The following GRM7 variants were observed in gnomAD, a reference collection of about 807,000 sequenced individuals.
GRM7 encodes glutamate metabotropic receptor 7, also known as metabotropic glutamate receptor 7.
GRM7 carries 35 observed loss-of-function variants against 84.5 expected under a neutral mutation model. That is an observed-to-expected ratio of 0.41 (90% CI 0.32 to 0.55). GRM7 has a LOEUF of 0.55. GRM7 is among the 20% of genes least tolerant of loss of function. GRM7 has a pLI of 0.19. For synonymous variants in GRM7, 487 were observed against 455.1 expected (o/e 1.07, Z -0.89); for missense variants, 1,003 against 1,194.6 (o/e 0.84, Z 2.36).
In GRM7 at chr3:6,924,844, T is replaced by G. The variant is rs561027298; in HGVS notation, c.519+62937T>G. On this transcript the variant is annotated intron_variant, in intron 1 of 9. Coordinates refer to ENST00000357716, the MANE Select transcript of GRM7 (RefSeq NM_000844.4). ...GCTGTGATATGGATGCCTCCATACCTGGATCATTGAGAGAGAGACAGGAAA... is the reference window on the plus strand; with the variant it reads ...GCTGTGATATGGATGCCTCCATACCGGGATCATTGAGAGAGAGACAGGAAA... Among the ~76,000 whole-genome samples the G allele has an allele frequency of 3.9e-5, 6 of 152,300 alleles. No homozygotes were observed. In the East Asian group the frequency reaches 1.2e-3, roughly 29 times the overall value.
At chr3:7,663,982 G>A (rs939460646) in intron 8 of GRM7, among the ~76,000 whole-genome samples, 1 of 152,210 alleles carries the variant, frequency 6.6e-6, no homozygotes, top group East Asian at 1.9e-4. Context: ...CACAGGACAA[G>A]AAAAGCTTGT....
chr3:7,370,283 T>C (rs1008013045), intron 4 of GRM7, among the ~76,000 whole-genome samples: 1 of 152,192 alleles, frequency 6.6e-6, no homozygotes, highest in African/African-American at 2.4e-5. Flanking sequence ...GTTGATGTGA[T>C]TCCTCCTTAG....
intron 1 of GRM7, among the ~76,000 whole-genome samples, chr3:6,934,841 G>A (rs1473402039): frequency 6.6e-6 from 1 of 152,148 alleles, no homozygotes; most frequent in Non-Finnish European, 1.5e-5. Flanking sequence ...CTCACATGAT[G>A]TTTACATTAT....
intron 2 of GRM7, among the ~76,000 whole-genome samples, chr3:7,195,188 A>G (rs1695839268): frequency 2.6e-5 from 4 of 152,180 alleles, no homozygotes; most frequent in Admixed American, 2.6e-4. Context: ...TCTTGCAGGC[A>G]TTGCATAGTG....
chr3:7,481,870 G>A (rs996526145), intron 7 of GRM7, among the ~76,000 whole-genome samples: 1 of 152,184 alleles, frequency 6.6e-6, no homozygotes, highest in Non-Finnish European at 1.5e-5. Flanking sequence ...GTACCTCAGA[G>A]GTCAAAGCAT....
chr3:7,365,424 C>T (rs1357353768), intron 4 of GRM7, among the ~76,000 whole-genome samples: 28 of 151,594 alleles, frequency 1.8e-4, no homozygotes, highest in Admixed American at 1.3e-3. Context: ...TTCTGTTTAC[C>T]ACTTTGTGCT....
At chr3:7,148,512 G>C (rs182937019) in intron 2 of GRM7, among the ~76,000 whole-genome samples, 2 of 152,228 alleles carry the variant, frequency 1.3e-5, no homozygotes, top group East Asian at 1.9e-4. Flanking sequence ...TGATTATTCT[G>C]TAAAGTGCAG....
chr3:7,382,476 A>G (rs1211164238), intron 4 of GRM7, among the ~76,000 whole-genome samples: 2 of 152,172 alleles, frequency 1.3e-5, no homozygotes, highest in Non-Finnish European at 2.9e-5. Flanking sequence ...AAACCATCAG[A>G]GTTTTATTAC....
chr3:7,574,210 A>G (rs1222660058), intron 7 of GRM7, among the ~76,000 whole-genome samples: 1 of 137,274 alleles, frequency 7.3e-6, no homozygotes, highest in African/African-American at 2.8e-5. Flanking sequence ...CCCAGGCTGG[A>G]GTGCAGAGGC....
At chr3:6,992,998 G>A (rs1346967406) in intron 1 of GRM7, among the ~76,000 whole-genome samples, 3 of 152,166 alleles carry the variant, frequency 2.0e-5, no homozygotes, top group South Asian at 4.1e-4. Flanking sequence ...AACCAAGACC[G>A]GATAATTTAT....
At chr3:7,051,085 C>A (rs565799878) in intron 1 of GRM7, among the ~76,000 whole-genome samples, 3 of 151,812 alleles carry the variant, frequency 2.0e-5, no homozygotes, top group Admixed American at 2.0e-4. Flanking sequence ...AACATATTTT[C>A]TTAGAGTTTG....
rs915902542 is a variant in GRM7, at chr3:7,740,965, A to G, written c.*559A>G. On this transcript the variant is annotated 3_prime_UTR_variant, in exon 10 of 10. Coordinates refer to ENST00000357716, the MANE Select transcript of GRM7 (RefSeq NM_000844.4). ...CAGACTAAAACAAGTACATCTGTAC[A>G]TGACTGTATAATTACGATTATAGTA... 2.0e-5 allele frequency: 3 copies of G among 152,598 alleles called. No homozygotes were observed. The highest frequency in any genetic ancestry group is 7.2e-5 in the African/African-American group (3 of 41,448). 9.5% of individuals were successfully genotyped at this position (152,598 alleles called of 1,614,324 possible). A position where few individuals can be genotyped will look rare whatever the true frequency, so the allele number is the denominator to read the frequency against.
intron 7 of GRM7, among the ~76,000 whole-genome samples, chr3:7,509,787 A>G (rs944579302): frequency 6.6e-6 from 1 of 150,458 alleles, no homozygotes; most frequent in East Asian, 2.0e-4. Flanking sequence ...AGCTGGGGAA[A>G]TTTTTTTTTT....
chr3:7,310,641 T>TA, intron 4 of GRM7, among the ~76,000 whole-genome samples: 1 of 152,330 alleles, frequency 6.6e-6, no homozygotes, highest in African/African-American at 2.4e-5. Context: ...CCTTGTTTGA[T>TA]AAGAGAGCAA....
chr3:7,479,857 GA>G (rs1459390396), intron 7 of GRM7, among the ~76,000 whole-genome samples: 10 of 151,320 alleles, frequency 6.6e-5, no homozygotes, highest in Admixed American at 2.6e-4. Context: ...ATCTGTAACA[GA>G]AAAAAAAGGC....
chr3:7,188,871 T>C lies in GRM7; in HGVS notation c.736+42203T>C, dbSNP rs749537796. ...AGACAGAGTAAAAGACACACCTGCT[T>C]CTTAACACCTACGGTTTTAAAGAAA... is the stretch of plus-strand genomic sequence containing the variant. On this transcript the variant is annotated intron_variant, in intron 2 of 9. Coordinates refer to ENST00000357716, the MANE Select transcript of GRM7 (RefSeq NM_000844.4). The surrounding 1 kb of genome is among the most constrained non-coding windows in gnomAD (Gnocchi z 4.2). Among the ~76,000 whole-genome samples, 1 of 152,234 alleles carries C rather than the reference T, an allele frequency of 6.6e-6. No homozygotes were observed. Among genetic ancestry groups the C allele is most frequent in the Non-Finnish European group, 1.5e-5 (1 of 68,044 alleles).
At chr3:6,929,715 G>A (rs1697432955) in intron 1 of GRM7, among the ~76,000 whole-genome samples, 1 of 152,122 alleles carries the variant, frequency 6.6e-6, no homozygotes, top group African/African-American at 2.4e-5. Context: ...TGTTTACAAT[G>A]ACAGACTTGT....
At chr3:7,736,202 TA>T (rs1199112326) in intron 9 of GRM7, among the ~76,000 whole-genome samples, 52 of 152,314 alleles carry the variant, frequency 3.4e-4, no homozygotes, top group Middle Eastern at 3.4e-3. Context: ...TCTATGTTTT[TA>T]AAAATTAGAT....
At chr3:7,156,173 T>C (rs1348851938) in intron 2 of GRM7, among the ~76,000 whole-genome samples, 1 of 152,120 alleles carries the variant, frequency 6.6e-6, no homozygotes. Flanking sequence ...GTATTAGTCA[T>C]GAAACAAAAA....
Sources: gnomAD v4.1 joint callset for allele counts (sites outside exome capture counted in the v4.1 genomes callset) on GRCh38, gnomAD v4.1.1 for gene constraint, Gnocchi (gnomAD v3.1) non-coding constraint, MANE v1.5 for transcripts, NCBI Gene and HGNC (gene_info 2026-07-23, HGNC 2026-07-21) for gene names.